CDH18: variants seen among roughly 807,000 people sequenced by gnomAD.
CDH18 encodes cadherin-18.
Under a neutral mutation model 67.9 loss-of-function variants are expected in CDH18, and 31 were observed. The ratio of observed to expected loss-of-function variants is 0.46; its 90% confidence interval spans 0.34 to 0.62. The LOEUF is 0.62. Among genes scored for constraint, CDH18 ranks in the 20% least tolerant of loss-of-function variants. CDH18 has a pLI of 0.01. For synonymous variants in CDH18, 362 were observed against 347.2 expected (o/e 1.04, Z -0.48); for missense variants, 890 against 975.5 (o/e 0.91, Z 1.17).
intron 9 of CDH18, among the ~76,000 whole-genome samples, chr5:19,537,434 T>C (rs1749595717): frequency 1.3e-5 from 2 of 152,046 alleles, no homozygotes; most frequent in South Asian, 4.2e-4. Context: ...TATGTACATA[T>C]GTAAGTGTGT....
intron 11 of CDH18, among the ~76,000 whole-genome samples, chr5:19,488,274 A>G (rs1044763232): frequency 6.6e-6 from 1 of 152,204 alleles, no homozygotes; most frequent in Non-Finnish European, 1.5e-5. Context: ...ATTAAAAAGT[A>G]TGTGTTTTTT....
At chr5:20,200,831 T>C (rs984491281) in intron 2 of CDH18, among the ~76,000 whole-genome samples, 2 of 152,148 alleles carry the variant, frequency 1.3e-5, no homozygotes, top group African/African-American at 2.4e-5. Flanking sequence ...TAAACTACAA[T>C]ACAGATGCAG....
intron 1 of CDH18, among the ~76,000 whole-genome samples, chr5:20,343,576 G>A (rs1740446724): frequency 6.6e-6 from 1 of 152,072 alleles, no homozygotes; most frequent in Non-Finnish European, 1.5e-5. Flanking sequence ...TTCTTTTGTA[G>A]AACAAGGAGT....
At chr5:19,583,162 A>T (rs2149992552) in intron 7 of CDH18, among the ~76,000 whole-genome samples, 1 of 152,166 alleles carries the variant, frequency 6.6e-6, no homozygotes, top group South Asian at 2.1e-4. Flanking sequence ...ATACACTTGT[A>T]GTACACATAG....
chr5:19,515,620 T>C (rs182877825), intron 10 of CDH18, among the ~76,000 whole-genome samples: 194 of 152,334 alleles, frequency 1.3e-3, no homozygotes, highest in East Asian at 2.9e-3. Context: ...CAATTGTGAA[T>C]GGGAGTTCAC....
chr5:19,536,245 A>T (rs1749405097), intron 9 of CDH18, among the ~76,000 whole-genome samples: 1 of 152,228 alleles, frequency 6.6e-6, no homozygotes, highest in Non-Finnish European at 1.5e-5. Context: ...CATGCAGAAC[A>T]TTTAACTGTG....
chr5:19,811,127 A>G lies in CDH18; in HGVS notation c.228+27632T>C, dbSNP rs561815107. ...GAAAGAAAGAAAGAAAGAAAGAAAG[A>G]AAGAAAGAAAGAAAGAAAGAAAGAA... On this transcript the variant is annotated intron_variant, in intron 3 of 12. Transcript: ENST00000382275. 4.0e-5 allele frequency among the ~76,000 whole-genome samples: 5 copies of G among 124,878 alleles called. No individual in the cohort carries two copies. The South Asian group carries it at 1.4e-3, about 34-fold the overall frequency. 81.9% of individuals were successfully genotyped at this position (124,878 alleles called of 152,430 possible).
rs1349773677 is a variant in CDH18, at chr5:19,527,827, C to G, written c.1391-7049G>C. ...TTGAAGTGAATTATTTAAAATGAAT[C>G]TTGACTCTTTTCAGTACATTATTTT... On this transcript the variant is annotated intron_variant, in intron 9 of 12. Transcript: ENST00000382275. Among the ~76,000 whole-genome samples, 9 of 151,712 alleles carry G rather than the reference C, an allele frequency of 5.9e-5. No homozygotes were observed. In the East Asian group the frequency reaches 1.7e-3, roughly 29 times the overall value.
chr5:19,608,298 A>G (rs1282223047), intron 6 of CDH18, among the ~76,000 whole-genome samples: 1 of 151,770 alleles, frequency 6.6e-6, no homozygotes, highest in African/African-American at 2.4e-5. Flanking sequence ...CAACTATAAT[A>G]AAATGACCCA....
In CDH18 at chr5:19,798,653, T is replaced by G. The variant is rs541302103; in HGVS notation, c.228+40106A>C. ...TTTATCTCCATGCTTTTAACAGAAT[T>G]AATTTGAAATTATATTACATGTTGA... On this transcript the variant is annotated intron_variant, in intron 3 of 12. Coordinates refer to ENST00000382275, the MANE Select transcript of CDH18 (RefSeq NM_004934.5). 2.0e-5 allele frequency among the ~76,000 whole-genome samples: 3 copies of G among 152,192 alleles called. No individual in the cohort carries two copies. In the South Asian group the frequency reaches 6.2e-4, roughly 32 times the overall value.
chr5:19,808,047 G>A (rs1322941900), intron 3 of CDH18, among the ~76,000 whole-genome samples: 2 of 152,036 alleles, frequency 1.3e-5, no homozygotes, highest in East Asian at 3.9e-4. Context: ...CTCGATTATA[G>A]TCAAGCTAAA....
chr5:19,692,465 A>T, intron 5 of CDH18, among the ~76,000 whole-genome samples: 1 of 152,276 alleles, frequency 6.6e-6, no homozygotes, highest in South Asian at 2.1e-4. Context: ...ATAGGATAAA[A>T]TATTTGCAAA....
chr5:19,627,327 T>C (rs920477401), intron 5 of CDH18, among the ~76,000 whole-genome samples: 5 of 152,110 alleles, frequency 3.3e-5, no homozygotes, highest in African/African-American at 4.8e-5. Flanking sequence ...ACAAGTGAAA[T>C]TGAGACGAAC....
intron 1 of CDH18, among the ~76,000 whole-genome samples, chr5:20,463,411 G>A (rs900032475): frequency 6.6e-6 from 1 of 152,044 alleles, no homozygotes; most frequent in African/African-American, 2.4e-5. Context: ...CCCGAGACTG[G>A]GTAATTTATA....
At chr5:20,336,293 C>T (rs1179017538) in intron 1 of CDH18, among the ~76,000 whole-genome samples, 1 of 151,968 alleles carries the variant, frequency 6.6e-6, no homozygotes, top group Non-Finnish European at 1.5e-5. Context: ...TGAGAGAGGA[C>T]ACAGTTAGGG....
At chr5:19,654,594 G>A (rs545102416) in intron 5 of CDH18, among the ~76,000 whole-genome samples, 3 of 152,206 alleles carry the variant, frequency 2.0e-5, no homozygotes, top group East Asian at 1.9e-4. Flanking sequence ...TGGTGCCTAC[G>A]ACTCCTGAAG....
intron 2 of CDH18, among the ~76,000 whole-genome samples, chr5:19,888,634 C>T (rs1355023508): frequency 1.3e-5 from 2 of 152,046 alleles, no homozygotes; most frequent in Non-Finnish European, 2.9e-5. Context: ...AAATTATTTA[C>T]TAATTTCAGT....
At chr5:20,070,002 T>C (rs1027814037) in intron 2 of CDH18, among the ~76,000 whole-genome samples, 3 of 152,194 alleles carry the variant, frequency 2.0e-5, no homozygotes, top group African/African-American at 7.2e-5. Flanking sequence ...GTACTGGCCA[T>C]TGTAGTATCA....
chr5:19,536,147 T>C (rs1554039993), intron 9 of CDH18, among the ~76,000 whole-genome samples: 7 of 152,144 alleles, frequency 4.6e-5, no homozygotes, highest in Non-Finnish European at 1.0e-4. Flanking sequence ...AAAGATAAGT[T>C]AGACCAGATT....
Sources: allele counts gnomAD v4.1 joint callset (sites outside exome capture counted in the v4.1 genomes callset), GRCh38; gene constraint gnomAD v4.1.1; transcripts MANE v1.5; gene names NCBI Gene and HGNC (gene_info 2026-07-23, HGNC 2026-07-21).